PDE1C: variants seen among roughly 807,000 people sequenced by gnomAD.
The protein encoded by PDE1C is phosphodiesterase 1C.
Under a neutral mutation model 93.1 loss-of-function variants are expected in PDE1C, and 62 were observed. The observed-to-expected ratio is 0.67, with a 90% confidence interval of 0.54 to 0.82. The LOEUF is 0.82. PDE1C is among the 40% of genes least tolerant of loss of function. The pLI is 0.00. For missense variants in PDE1C, 742 were observed against 884.6 expected, an observed-to-expected ratio of 0.84 and a Z score of 2.04; for synonymous variants, 325 against 310.1, an observed-to-expected ratio of 1.05 and a Z score of -0.50.
downstream of PDE1C, among the ~76,000 whole-genome samples, chr7:31,746,946 T>C (rs948190198): frequency 6.6e-6 from 1 of 152,196 alleles, no homozygotes; most frequent in Non-Finnish European, 1.5e-5. Flanking sequence ...GTGTGGGTGG[T>C]AATGTCAGCT....
chr7:32,154,730 A>G (rs1042406400), intron 3 of PDE1C, among the ~76,000 whole-genome samples: 1 of 152,180 alleles, frequency 6.6e-6, no homozygotes, highest in Non-Finnish European at 1.5e-5. Flanking sequence ...CTACCACCCC[A>G]TACCATACAG....
At chr7:32,316,899 C>A (rs1783186178) in intron 1 of PDE1C, among the ~76,000 whole-genome samples, 1 of 152,192 alleles carries the variant, frequency 6.6e-6, no homozygotes. Context: ...CTCAAGCCAA[C>A]AAAGAGCATT....
chr7:32,166,947 A>AT (rs1216252912), intron 3 of PDE1C, among the ~76,000 whole-genome samples: 1 of 152,154 alleles, frequency 6.6e-6, no homozygotes, highest in East Asian at 1.9e-4. Flanking sequence ...TCTACCAGCA[A>AT]TTTTTTATAG....
At chr7:31,933,174 T>C (rs149287215) in intron 2 of PDE1C, among the ~76,000 whole-genome samples, 2,632 of 152,210 alleles carry the variant, frequency 0.017, 81 homozygotes, top group African/African-American at 0.061. Context: ...ATGGTACATG[T>C]ATACCTATGT....
the PDE1C span, among the ~76,000 whole-genome samples, chr7:31,722,801 T>C: frequency 6.6e-6 from 1 of 152,170 alleles, no homozygotes; most frequent in African/African-American, 2.4e-5. Context: ...TGGTATGAGA[T>C]GAGGTGGAGG....
chr7:31,672,345 C>T, the PDE1C span, among the ~76,000 whole-genome samples: 1 of 152,134 alleles, frequency 6.6e-6, no homozygotes, highest in African/African-American at 2.4e-5. Context: ...GCTAATTCCC[C>T]ATATTGATAT....
chr7:31,644,310 C>G, the PDE1C span, among the ~76,000 whole-genome samples: 2 of 152,204 alleles, frequency 1.3e-5, no homozygotes, highest in Admixed American at 6.5e-5. Context: ...GTCTTAAATT[C>G]GTTTAGCTAT....
chr7:31,996,083 A>G (rs1442180910), intron 2 of PDE1C, among the ~76,000 whole-genome samples: 3 of 148,874 alleles, frequency 2.0e-5, no homozygotes, highest in African/African-American at 7.4e-5. Context: ...ACACACACAC[A>G]CACACACACA....
At position 32,273,574 on chromosome 7, in the gene PDE1C, G is replaced by A. The variant is rs189595115; in HGVS notation, c.85+25077C>T. Among the ~76,000 whole-genome samples, 44 of 152,308 alleles carry A rather than the reference G, an allele frequency of 2.9e-4. No individual in the cohort carries two copies. The East Asian group carries it at 8.3e-3, about 29-fold the overall frequency. ...TGGTTCCTTGCATTTGTTTGTTAGGGAGACAGTATTCACTTCAGGGCTCAG... is the reference window on the plus strand; with the variant it reads ...TGGTTCCTTGCATTTGTTTGTTAGGAAGACAGTATTCACTTCAGGGCTCAG... On this transcript the variant is annotated intron_variant, in intron 1 of 18. Coordinates refer to the PDE1C transcript ENST00000396193.
At chr7:32,367,105 A>T (rs1343336224) in intron 1 of PDE1C, among the ~76,000 whole-genome samples, 1 of 152,188 alleles carries the variant, frequency 6.6e-6, no homozygotes, top group Non-Finnish European at 1.5e-5. Flanking sequence ...GAAATGAAGG[A>T]GAAATAAAAT....
intron 3 of PDE1C, among the ~76,000 whole-genome samples, chr7:32,102,230 C>G (rs1798078094): frequency 1.3e-5 from 2 of 152,136 alleles, no homozygotes; most frequent in South Asian, 4.1e-4. Flanking sequence ...TGTTTGTTCC[C>G]TCAAACCACA....
Position 32,213,249 on chromosome 7 carries a change from A to G in PDE1C, c.86-3710T>C, listed in dbSNP as rs1316703157. On this transcript the variant is annotated intron_variant, in intron 1 of 18. Coordinates refer to the PDE1C transcript ENST00000396193. ...ACCAAGAGATTTCAAATAGAAATAC[A>G]TATTACTGGCTTCCTTCAAATTACT... Among the ~76,000 whole-genome samples the G allele has an allele frequency of 5.3e-5, 8 of 152,168 alleles. No homozygotes were observed. In the East Asian group the frequency reaches 7.7e-4, roughly 15 times the overall value.
intron 16 of PDE1C, among the ~76,000 whole-genome samples, chr7:31,803,611 T>C (rs1011732614): frequency 6.6e-6 from 1 of 151,872 alleles, no homozygotes; most frequent in African/African-American, 2.4e-5. Context: ...TGTGTTCTCA[T>C]TGTTCAATTC....
At chr7:32,399,833 T>TCCCATC in intron 1 of PDE1C, among the ~76,000 whole-genome samples, 1 of 151,988 alleles carries the variant, frequency 6.6e-6, no homozygotes, top group East Asian at 1.9e-4. Context: ...ATCCTCCCAT[T>TCCCATC]TCGGCCTCTC....
At chr7:32,326,856 C>A (rs555838409) in intron 1 of PDE1C, among the ~76,000 whole-genome samples, 1 of 152,212 alleles carries the variant, frequency 6.6e-6, no homozygotes, top group South Asian at 2.1e-4. Context: ...GGAATGATAA[C>A]AATCTAGAGG....
At chr7:31,712,946 G>T in the PDE1C span, among the ~76,000 whole-genome samples, 1 of 152,108 alleles carries the variant, frequency 6.6e-6, no homozygotes, top group Non-Finnish European at 1.5e-5. Flanking sequence ...CAACATGTGG[G>T]AATTCAAGAT....
chr7:31,703,050 C>G, the PDE1C span, among the ~76,000 whole-genome samples: 1 of 152,192 alleles, frequency 6.6e-6, no homozygotes, highest in African/African-American at 2.4e-5. Context: ...TTAACATAAA[C>G]TGTAAAAGCT....
intron 1 of PDE1C, among the ~76,000 whole-genome samples, chr7:32,291,664 T>G (rs1259360468): frequency 2.0e-5 from 3 of 152,162 alleles, no homozygotes; most frequent in East Asian, 3.8e-4. Flanking sequence ...CACCTCTGAG[T>G]TCTTAACTAG....
At chr7:31,683,553 G>T in the PDE1C span, among the ~76,000 whole-genome samples, 1 of 152,020 alleles carries the variant, frequency 6.6e-6, no homozygotes, top group African/African-American at 2.4e-5. Context: ...CTTACCAGGG[G>T]ATATTGATCT....
Sources: gnomAD v4.1 joint callset for allele counts (sites outside exome capture counted in the v4.1 genomes callset) on GRCh38, gnomAD v4.1.1 for gene constraint, MANE v1.5 for transcripts, NCBI Gene and HGNC (gene_info 2026-07-23, HGNC 2026-07-21) for gene names.